Variants in FBXL7 observed in about 807,000 individuals in gnomAD.
FBXL7 encodes F-box and leucine rich repeat protein 7.
A neutral mutation model predicts 38.3 loss-of-function variants in FBXL7; 12 were observed. The observed-to-expected ratio is 0.31, with a 90% CI of 0.20 to 0.51. The LOEUF (loss-of-function observed/expected upper bound fraction) is 0.51, where lower values mean the gene tolerates loss of function less well. Among genes scored for constraint, FBXL7 ranks in the 20% least tolerant of loss-of-function variants. The pLI is 0.98. For synonymous variants in FBXL7, 297 were observed against 300.9 expected (o/e 0.99, Z 0.13); for missense variants, 567 against 676.4 (o/e 0.84, Z 1.79).
chr5:15,680,236 A>T (rs1351881378), intron 2 of FBXL7, among the ~76,000 whole-genome samples: 3 of 152,180 alleles, frequency 2.0e-5, no homozygotes, highest in African/African-American at 7.2e-5. Context: ...AAATTATTCT[A>T]AGTATCATTT....
chr5:15,621,285 A>AG (rs771404440), intron 2 of FBXL7, among the ~76,000 whole-genome samples: 54 of 152,108 alleles, frequency 3.6e-4, no homozygotes, highest in Admixed American at 9.8e-4. Flanking sequence ...CTGACACTGT[A>AG]GGGGGGGTTG....
chr5:15,661,254 T>C (rs995446425), intron 2 of FBXL7, among the ~76,000 whole-genome samples: 3 of 152,212 alleles, frequency 2.0e-5, no homozygotes, highest in Non-Finnish European at 2.9e-5. Context: ...TTGACTTGGA[T>C]CCTGTGTCCA....
intron 2 of FBXL7, among the ~76,000 whole-genome samples, chr5:15,906,221 G>A (rs1741357050): frequency 1.3e-5 from 2 of 151,334 alleles, no homozygotes; most frequent in Admixed American, 6.6e-5. Flanking sequence ...TTTACACATT[G>A]GTCAATGCTA....
chr5:15,649,876 G>T (rs977185685), intron 2 of FBXL7, among the ~76,000 whole-genome samples: 2 of 152,240 alleles, frequency 1.3e-5, no homozygotes, highest in African/African-American at 4.8e-5. Context: ...AAATGGCTGG[G>T]TAAAAAGTGA....
intron 2 of FBXL7, among the ~76,000 whole-genome samples, chr5:15,865,862 A>C (rs1352456556): frequency 6.6e-6 from 1 of 152,152 alleles, no homozygotes; most frequent in African/African-American, 2.4e-5. Flanking sequence ...ATGTTGAAAA[A>C]ATTAAAAGTG....
At chr5:15,704,959 G>A (rs937037801) in intron 2 of FBXL7, among the ~76,000 whole-genome samples, 3 of 111,564 alleles carry the variant, frequency 2.7e-5, no homozygotes, top group African/African-American at 9.6e-5. Context: ...TTGGTAACAT[G>A]GGCTAGGTAA....
At chr5:15,742,368 T>C (rs1735914371) in intron 2 of FBXL7, among the ~76,000 whole-genome samples, 1 of 152,194 alleles carries the variant, frequency 6.6e-6, no homozygotes, top group Admixed American at 6.5e-5. Context: ...GGAATTTGAC[T>C]GATGAAATAG....
intron 2 of FBXL7, among the ~76,000 whole-genome samples, chr5:15,774,181 A>G (rs1202094030): frequency 1.3e-5 from 2 of 151,818 alleles, no homozygotes; most frequent in African/African-American, 4.8e-5. Context: ...GGCTACCTGT[A>G]TTCCTTTCCT....
At chr5:15,650,742 A>G (rs1052720511) in intron 2 of FBXL7, among the ~76,000 whole-genome samples, 1 of 152,242 alleles carries the variant, frequency 6.6e-6, no homozygotes, top group African/African-American at 2.4e-5. Context: ...CCATGTCAAG[A>G]AACCACTTTC....
intron 2 of FBXL7, among the ~76,000 whole-genome samples, chr5:15,628,972 G>A (rs1298081564): frequency 6.6e-6 from 1 of 151,940 alleles, no homozygotes; most frequent in Non-Finnish European, 1.5e-5. Flanking sequence ...CAGAGCATCT[G>A]GGTTCTTTTA....
rs1056885521 is a variant in FBXL7, at chr5:15,636,829, A to C, written c.127+20757A>C. On this transcript the variant is annotated intron_variant, in intron 2 of 3. Transcript: ENST00000504595. ...AATATGCTTTTATTTTTTCAGAAGT[A>C]ACAGATCTAATGGAAAGAATTGGGA... Among the ~76,000 whole-genome samples the C allele has an allele frequency of 5.3e-5, 8 of 152,206 alleles. 1 individual carries two copies. In the South Asian group the frequency reaches 8.3e-4, roughly 16 times the overall value.
At chr5:15,523,436 G>A (rs901813372) in intron 1 of FBXL7, among the ~76,000 whole-genome samples, 1 of 152,060 alleles carries the variant, frequency 6.6e-6, no homozygotes, top group Non-Finnish European at 1.5e-5. Context: ...GCAGACGCCT[G>A]TAGTCCCAGC....
At chr5:15,596,153 A>C (rs1482856545) in intron 1 of FBXL7, among the ~76,000 whole-genome samples, 1 of 152,208 alleles carries the variant, frequency 6.6e-6, no homozygotes, top group African/African-American at 2.4e-5. Context: ...CTGTTGACTC[A>C]ACTGCATTAA....
chr5:15,694,458 G>A (rs994327682), intron 2 of FBXL7, among the ~76,000 whole-genome samples: 1 of 152,170 alleles, frequency 6.6e-6, no homozygotes, highest in Non-Finnish European at 1.5e-5. Context: ...ATGCTGAGAT[G>A]TGAGTGGCCT....
At chr5:15,889,541 T>C (rs1740817053) in intron 2 of FBXL7, among the ~76,000 whole-genome samples, 1 of 152,194 alleles carries the variant, frequency 6.6e-6, no homozygotes, top group African/African-American at 2.4e-5. Flanking sequence ...ATCAAATGTA[T>C]GCCAGTGATG....
At position 15,696,000 on chromosome 5, in the gene FBXL7, C is replaced by T. The variant is rs115521273; in HGVS notation, c.127+79928C>T. ...AGAATTTTCAAAAAATTCGTATCTT[C>T]GCAAAAGAGGCATGTCCACTGAGTC... On this transcript the variant is annotated intron_variant, in intron 2 of 3. Transcript: ENST00000504595. 2.5e-3 allele frequency among the ~76,000 whole-genome samples: 385 copies of T among 152,296 alleles called. 2 individuals are homozygous for T. Among genetic ancestry groups the T allele is most frequent in the African/African-American group, 8.8e-3 (364 of 41,568 alleles).
At chr5:15,642,351 A>C (rs555043341) in intron 2 of FBXL7, among the ~76,000 whole-genome samples, 9 of 152,296 alleles carry the variant, frequency 5.9e-5, no homozygotes, top group Non-Finnish European at 1.0e-4. Flanking sequence ...AGGGTACCCC[A>C]CACACACAGC....
At position 15,869,465 on chromosome 5, in the gene FBXL7, C is replaced by T. The variant is rs551608478; in HGVS notation, c.128-58425C>T. On this transcript the variant is annotated intron_variant, in intron 2 of 3. Coordinates refer to ENST00000504595, the MANE Select transcript of FBXL7 (RefSeq NM_012304.5). ...GTAATTATCAGGGGCACTTCTTTCACGCAAGAATTGTCCAGACTGAGACAA... is the reference window on the plus strand; with the variant it reads ...GTAATTATCAGGGGCACTTCTTTCATGCAAGAATTGTCCAGACTGAGACAA... Among the ~76,000 whole-genome samples, 199 of 152,230 alleles carry T rather than the reference C, an allele frequency of 1.3e-3. 1 individual carries two copies. Among genetic ancestry groups the T allele is most frequent in the Non-Finnish European group, 2.5e-3 (173 of 68,000 alleles).
At chr5:15,810,599 T>G (rs1323480808) in intron 2 of FBXL7, among the ~76,000 whole-genome samples, 3 of 152,096 alleles carry the variant, frequency 2.0e-5, no homozygotes, top group Non-Finnish European at 4.4e-5. Context: ...AATACAGATT[T>G]GAACCTATTA....
Sources: gnomAD v4.1 joint callset for allele counts (sites outside exome capture counted in the v4.1 genomes callset) on GRCh38, gnomAD v4.1.1 for gene constraint, MANE v1.5 for transcripts, NCBI Gene and HGNC (gene_info 2026-07-23, HGNC 2026-07-21) for gene names.